The following PRR14L variants were observed in gnomAD, a reference collection of about 807,000 sequenced individuals.
PRR14L encodes the protein proline rich 14 like.
PRR14L carries 80 observed loss-of-function variants against 155.0 expected under a neutral mutation model. The observed-to-expected ratio is 0.52, with a 90% CI of 0.43 to 0.62. The LOEUF is 0.62. PRR14L is among the 20% of genes least tolerant of loss of function. PRR14L has a pLI of 0.00. For missense variants in PRR14L, 2,469 were observed against 2,548.0 expected, an observed-to-expected ratio of 0.97 and a Z score of 0.67; for synonymous variants, 883 against 916.0, an observed-to-expected ratio of 0.96 and a Z score of 0.65.
At position 31,715,084 on chromosome 22, in the gene PRR14L, A is replaced by T; in HGVS notation, c.2755T>A (p.Tyr919Asn). The T allele has an allele frequency of 6.4e-7, 1 of 1,551,792 alleles. No individual in the cohort carries two copies. Reference protein sequence around the residue: ...DVSKETVFCKYNISDHAIQEL... With the variant: ...DVSKETVFCKNNISDHAIQEL... ...TGTATAGCATGATCAGAGATGTTAT[A>T]CTTACAAAATACAGTTTCTTTGGAT... The change falls in exon 4 of 9, where the codon TAT becomes AAT. Residue 919 changes from tyrosine to asparagine, a missense_variant. Around this residue, in one of 2 missense-constraint regions of PRR14L, gnomAD observed 2,363 missense variants for 2,371.6 expected, o/e 1.00. Coordinates refer to ENST00000327423, the MANE Select transcript of PRR14L (RefSeq NM_173566.3).
intron 4 of PRR14L, among the ~76,000 whole-genome samples, chr22:31,708,951 C>A (rs527420777): frequency 6.6e-6 from 1 of 152,066 alleles, no homozygotes; most frequent in Non-Finnish European, 1.5e-5. Flanking sequence ...CTCAGCCTCC[C>A]GAGTAACTGG....
intron 7 of PRR14L, among the ~76,000 whole-genome samples, chr22:31,694,723 G>A (rs1183599149): frequency 6.6e-6 from 1 of 151,512 alleles, no homozygotes; most frequent in Non-Finnish European, 1.5e-5. Flanking sequence ...CTGCACTCCA[G>A]CCTGGGTGAC....
intron 7 of PRR14L, among the ~76,000 whole-genome samples, chr22:31,689,312 G>A (rs1007130225): frequency 2.0e-5 from 3 of 152,160 alleles, no homozygotes; most frequent in African/African-American, 7.2e-5. Context: ...GCAAGACGCT[G>A]TCTCTATACA....
At chr22:31,694,134 G>A (rs1055782603) in intron 7 of PRR14L, among the ~76,000 whole-genome samples, 2 of 152,034 alleles carry the variant, frequency 1.3e-5, no homozygotes, top group Non-Finnish European at 2.9e-5. Context: ...AAAATTAGCC[G>A]ATGTGGTAGT....
At chr22:31,694,644 C>T (rs191365270) in intron 7 of PRR14L, among the ~76,000 whole-genome samples, 21 of 151,266 alleles carry the variant, frequency 1.4e-4, no homozygotes, top group Middle Eastern at 3.4e-3. Context: ...CCCAGCTATT[C>T]GGGAGGCTGA....
At position 31,716,132 on chromosome 22, in the gene PRR14L, T is replaced by G; in HGVS notation, c.1707A>C (p.Arg569Ser). The G allele has an allele frequency of 6.4e-7, 1 of 1,551,474 alleles. No individual in the cohort carries two copies. Among genetic ancestry groups the G allele is most frequent in the South Asian group, 1.2e-5 (1 of 84,056 alleles). Reference protein sequence around the residue: ...EASCNDFLFERKSIVSLMPED... With the variant: ...EASCNDFLFESKSIVSLMPED... ...CTGGCATTAAACTCACAATGGATTTTCTTTCAAACAGAAAATCATTACATG... is the reference window on the plus strand; with the variant it reads ...CTGGCATTAAACTCACAATGGATTTGCTTTCAAACAGAAAATCATTACATG... The change falls in exon 4 of 9, where the codon AGA (arginine) becomes AGC (serine). Residue 569 changes from arginine (R) to serine (S), a missense_variant. Arg to Ser is a moderately radical substitution (Grantham distance 110, BLOSUM62 -1). This residue lies in a region of PRR14L where 2,363 missense variants were observed against 2,371.6 expected (regional missense o/e 1.00). Coordinates refer to ENST00000327423, the MANE Select transcript of PRR14L (RefSeq NM_173566.3).
chr22:31,704,363 T>G (rs530080345), intron 5 of PRR14L: 1 of 263,846 alleles, frequency 3.8e-6, no homozygotes, highest in South Asian at 6.0e-5. Context: ...GGGACTGAAG[T>G]TGGCTGTTAA....
At position 31,712,292 on chromosome 22, in the gene PRR14L, C is replaced by T. The variant is rs2147862602; in HGVS notation, c.5547G>A (p.Gln1849=). The T allele has an allele frequency of 6.2e-7, 1 of 1,614,178 alleles. No individual in the cohort carries two copies. The part of the protein sequence containing the change: ...RSFSSHMPTM[Q]RLFMTQFTQG... The stretch of plus-strand genomic sequence containing the variant: ...GTGTAAACTGGGTCATGAAGAGCCT[C>T]TGCATGGTAGGCATGTGGCTGGAGA... The change falls in exon 4 of 9, where the codon CAG becomes CAA. Residue 1849 remains glutamine (Q), a synonymous_variant. Coordinates refer to ENST00000327423, the MANE Select transcript of PRR14L (RefSeq NM_173566.3).
At position 31,683,123 on chromosome 22, in the gene PRR14L, G is replaced by C. The variant is rs577836267; in HGVS notation, c.*2404C>G. 2 of 152,278 alleles carry C rather than the reference G, an allele frequency of 1.3e-5. No homozygotes were observed. The highest frequency in any genetic ancestry group is 4.8e-5 in the African/African-American group (2 of 41,444). 9.4% of individuals were successfully genotyped at this position (152,278 alleles called of 1,614,324 possible). ...AACAACTCCTCTCCTACATTGTCAG[G>C]ACAGGGAAGGAGCCCAGCTCTGTTT... On this transcript the variant is annotated 3_prime_UTR_variant, in exon 9 of 9. Coordinates refer to ENST00000327423, the MANE Select transcript of PRR14L (RefSeq NM_173566.3).
chr22:31,749,884 G>C (rs996238700), intron 1 of PRR14L, 109 bp downstream of exon 1: 1 of 152,528 alleles, frequency 6.6e-6, no homozygotes. Flanking sequence ...GCCCCGAGAG[G>C]GCGGGGGGCC....
At chr22:31,721,546 C>G (rs35553712) in intron 3 of PRR14L, among the ~76,000 whole-genome samples, 1 of 147,182 alleles carries the variant, frequency 6.8e-6, no homozygotes. Context: ...CTGGCCTGGG[C>G]GACAGAGCAA....
intron 1 of PRR14L, among the ~76,000 whole-genome samples, chr22:31,745,355 C>T (rs907533906): frequency 1.3e-5 from 2 of 151,274 alleles, no homozygotes; most frequent in African/African-American, 4.9e-5. Flanking sequence ...CCAGCCTGGG[C>T]GACAGAGCGA....
intron 2 of PRR14L, among the ~76,000 whole-genome samples, chr22:31,730,177 T>C (rs774289145): frequency 3.2e-4 from 47 of 147,336 alleles, no homozygotes; most frequent in African/African-American, 8.3e-4. Flanking sequence ...CTGTGGCTCA[T>C]GCCTGTAATC....
chr22:31,736,713 T>C (rs1481332811), intron 2 of PRR14L, among the ~76,000 whole-genome samples: 2 of 152,092 alleles, frequency 1.3e-5, no homozygotes, highest in African/African-American at 2.4e-5. Flanking sequence ...GCCCACTTTA[T>C]GCTACAATGG....
intron 2 of PRR14L, among the ~76,000 whole-genome samples, chr22:31,734,797 A>G (rs2074769632): frequency 6.6e-6 from 1 of 152,222 alleles, no homozygotes; most frequent in African/African-American, 2.4e-5. Flanking sequence ...CCTCTCACAC[A>G]CATGACAACA....
intron 1 of PRR14L, among the ~76,000 whole-genome samples, chr22:31,745,100 G>A (rs918052372): frequency 2.2e-4 from 34 of 152,170 alleles, no homozygotes; most frequent in Non-Finnish European, 3.5e-4. Flanking sequence ...AAACATGGCC[G>A]GGTGCTTTGG....
intron 7 of PRR14L, among the ~76,000 whole-genome samples, chr22:31,696,245 G>A (rs1406196337): frequency 2.6e-5 from 4 of 151,722 alleles, no homozygotes; most frequent in East Asian, 3.9e-4. Flanking sequence ...GGGTTCAAGC[G>A]ATTCTCCGGC....
At chr22:31,730,892 A>G (rs1170193089) in intron 2 of PRR14L, among the ~76,000 whole-genome samples, 2 of 152,208 alleles carry the variant, frequency 1.3e-5, no homozygotes, top group Non-Finnish European at 2.9e-5. Flanking sequence ...AAACGGGCTC[A>G]TGGGTATTTG....
chr22:31,715,298 A>C lies in PRR14L; in HGVS notation c.2541T>G (p.Cys847Trp). 3 of 1,552,140 alleles carry C rather than the reference A, an allele frequency of 1.9e-6. No individual in the cohort carries two copies. The highest frequency in any genetic ancestry group is 1.7e-6 in the Non-Finnish European group (2 of 1,147,086). ...TTTCCTGTGATGTGTAACTCACTTT[A>C]CAGCTGCTTTTTTCCACAGAGTGTC... Reference protein sequence around the residue: ...GTGHSVEKSSCKVSYTSQERE... With the variant: ...GTGHSVEKSSWKVSYTSQERE... The change falls in exon 4 of 9, where the codon TGT becomes TGG. Residue 847 changes from cysteine (C) to tryptophan (W), a missense_variant. By Grantham distance (215) the Cys-to-Trp change is radical. Coordinates refer to ENST00000327423, the MANE Select transcript of PRR14L (RefSeq NM_173566.3).
Sources: gnomAD v4.1 joint callset for allele counts (sites outside exome capture counted in the v4.1 genomes callset) on GRCh38, gnomAD v4.1.1 for gene constraint, gnomAD v4.1.1 regional missense constraint, MANE v1.5 for transcripts, NCBI Gene and HGNC (gene_info 2026-07-23, HGNC 2026-07-21) for gene names.